RARB: variants seen among roughly 807,000 people sequenced by gnomAD.
RARB encodes the protein HBV-activated protein.
A neutral mutation model predicts 51.9 loss-of-function variants in RARB; 17 were observed. The ratio of observed to expected loss-of-function variants is 0.33; its 90% confidence interval spans 0.22 to 0.49. The LOEUF is 0.49. Among genes scored for constraint, RARB ranks in the 20% least tolerant of loss-of-function variants. The probability of loss-of-function intolerance (pLI) is 0.99; values close to 1 mark genes in which losing one functional copy is unlikely to be tolerated. For synonymous variants in RARB, 215 were observed against 195.4 expected (o/e 1.10, Z -0.84); for missense variants, 369 against 550.8 (o/e 0.67, Z 3.30).
intron 2 of RARB, among the ~76,000 whole-genome samples, chr3:24,932,041 C>CT (rs1293938431): frequency 6.6e-6 from 1 of 151,936 alleles, no homozygotes; most frequent in Non-Finnish European, 1.5e-5. Context: ...CTTTGGATAC[C>CT]TTTGATTTCC....
intron 2 of RARB, among the ~76,000 whole-genome samples, chr3:24,901,814 C>A (rs778061995): frequency 6.6e-6 from 1 of 151,978 alleles, no homozygotes; most frequent in Non-Finnish European, 1.5e-5. Context: ...GATGTACAGC[C>A]ATTAGGCCGT....
chr3:24,852,001 A>G (rs901524829), intron 1 of RARB, among the ~76,000 whole-genome samples: 12 of 152,236 alleles, frequency 7.9e-5, no homozygotes, highest in African/African-American at 2.4e-4. Context: ...TGACTTTTGC[A>G]TAAATAACTC....
At chr3:24,914,334 T>C (rs1197517320) in intron 2 of RARB, among the ~76,000 whole-genome samples, 2 of 152,076 alleles carry the variant, frequency 1.3e-5, no homozygotes, top group Admixed American at 6.5e-5. Flanking sequence ...CTCACTGAAG[T>C]TTCAAAGCTT....
chr3:25,139,020 G>A (rs926153008), intron 4 of RARB, among the ~76,000 whole-genome samples: 3 of 151,984 alleles, frequency 2.0e-5, no homozygotes, highest in African/African-American at 7.2e-5. Context: ...TGTTGTAATT[G>A]TTTGAGGGCA....
chr3:24,861,175 C>T (rs1031415788), intron 2 of RARB, among the ~76,000 whole-genome samples: 4 of 152,136 alleles, frequency 2.6e-5, no homozygotes, highest in Non-Finnish European at 4.4e-5. Context: ...GGTCATTATT[C>T]CCTAAATAGT....
At chr3:24,936,253 C>A (rs1383069330) in intron 2 of RARB, among the ~76,000 whole-genome samples, 1 of 152,012 alleles carries the variant, frequency 6.6e-6, no homozygotes, top group Non-Finnish European at 1.5e-5. Flanking sequence ...CAGAGATATT[C>A]CTGAGATTCT....
chr3:25,251,810 T>G (rs2125402170), intron 5 of RARB, among the ~76,000 whole-genome samples: 1 of 152,246 alleles, frequency 6.6e-6, no homozygotes, highest in Admixed American at 6.5e-5. Context: ...ATCTTTTGGG[T>G]TGTCTTTTTG....
At chr3:25,163,504 A>AAAAAAAAAAAAAAATATATATATATATAT (rs1303712411) in intron 4 of RARB, among the ~76,000 whole-genome samples, 2 of 131,094 alleles carry the variant, frequency 1.5e-5, no homozygotes, top group African/African-American at 6.4e-5. Context: ...CCTATCTCAA[A>AAAAAAAAAAAAAAATATATATATATATAT]ATATATATAT....
At chr3:25,116,129 T>C (rs899157591) in intron 3 of RARB, among the ~76,000 whole-genome samples, 7 of 152,186 alleles carry the variant, frequency 4.6e-5, no homozygotes, top group Non-Finnish European at 5.9e-5. Context: ...TTTCTCTTGA[T>C]TGGAAGTAAC....
At chr3:24,965,846 A>G (rs1696242231) in intron 2 of RARB, among the ~76,000 whole-genome samples, 1 of 152,166 alleles carries the variant, frequency 6.6e-6, no homozygotes, top group Admixed American at 6.6e-5. Flanking sequence ...GAAAAAAATA[A>G]TACAACATCA....
chr3:24,870,030 C>T (rs537620149), intron 2 of RARB, among the ~76,000 whole-genome samples: 13 of 152,076 alleles, frequency 8.5e-5, no homozygotes, highest in South Asian at 4.1e-4. Context: ...TGAACATTTA[C>T]GCTGCATTTT....
At chr3:25,124,576 C>T (rs773955945) in intron 3 of RARB, among the ~76,000 whole-genome samples, 2 of 152,148 alleles carry the variant, frequency 1.3e-5, no homozygotes, top group African/African-American at 2.4e-5. Flanking sequence ...ATGACTGTTA[C>T]AGAATTCTTT....
chr3:25,079,579 G>A (rs1424786136), intron 3 of RARB, among the ~76,000 whole-genome samples: 1 of 152,022 alleles, frequency 6.6e-6, no homozygotes, highest in Non-Finnish European at 1.5e-5. Context: ...AGTTTGCTGA[G>A]GGTTTCTATC....
At chr3:25,065,714 T>A (rs561427994) in intron 3 of RARB, among the ~76,000 whole-genome samples, 4 of 152,302 alleles carry the variant, frequency 2.6e-5, no homozygotes, top group Non-Finnish European at 2.9e-5. Flanking sequence ...TATCTGAGAA[T>A]CTGGCATGCA....
chr3:25,451,644 A>G (rs765236365), intron 1 of RARB, among the ~76,000 whole-genome samples: 12 of 152,320 alleles, frequency 7.9e-5, no homozygotes, highest in Non-Finnish European at 1.5e-4. Context: ...ACTTCCTTAG[A>G]TCTTAGACGA....
chr3:25,408,479 C>G (rs760413652), intron 5 of RARB, among the ~76,000 whole-genome samples: 1 of 152,084 alleles, frequency 6.6e-6, no homozygotes, highest in Non-Finnish European at 1.5e-5. Flanking sequence ...AGGGGGAAAT[C>G]CACCCCTATA....
At chr3:25,048,212 C>T (rs1352914302) in intron 2 of RARB, among the ~76,000 whole-genome samples, 1 of 152,174 alleles carries the variant, frequency 6.6e-6, no homozygotes, top group African/African-American at 2.4e-5. Flanking sequence ...CATTTCATCT[C>T]TTCATTTAGT....
chr3:25,490,843 T>G (rs1044194136), intron 2 of RARB, among the ~76,000 whole-genome samples: 4 of 152,198 alleles, frequency 2.6e-5, no homozygotes, highest in African/African-American at 7.2e-5. Flanking sequence ...ACCTAAGTAA[T>G]TTAGAAAACA....
At chr3:25,121,140 G>T (rs943393882) in intron 3 of RARB, among the ~76,000 whole-genome samples, 1 of 152,198 alleles carries the variant, frequency 6.6e-6, no homozygotes, top group Non-Finnish European at 1.5e-5. Flanking sequence ...CTGCAAGCCA[G>T]TGAGGAAGGC....
Sources: allele counts gnomAD v4.1 joint callset (sites outside exome capture counted in the v4.1 genomes callset), GRCh38; gene constraint gnomAD v4.1.1; transcripts MANE v1.5; gene names NCBI Gene and HGNC (gene_info 2026-07-23, HGNC 2026-07-21).